Variants in AKAP19 observed in about 807,000 individuals in gnomAD.
AKAP19 encodes the protein A-kinase anchoring protein 19.
the AKAP19 span, among the ~76,000 whole-genome samples, chr2:190,103,671 A>T: frequency 6.6e-6 from 1 of 152,220 alleles, no homozygotes; most frequent in South Asian, 2.1e-4. Context: ...CAAAACACTG[A>T]TGAAAGAAAT....
chr2:190,054,648 C>A, the AKAP19 span, among the ~76,000 whole-genome samples: 3 of 151,954 alleles, frequency 2.0e-5, no homozygotes, highest in African/African-American at 7.2e-5. Context: ...AGAATAAAAC[C>A]CATCAAAAAG....
At chr2:190,001,686 A>G in the AKAP19 span, among the ~76,000 whole-genome samples, 1 of 152,212 alleles carries the variant, frequency 6.6e-6, no homozygotes. Context: ...GGCTTCTGTC[A>G]TCTGCCAGTT....
the AKAP19 span, among the ~76,000 whole-genome samples, chr2:190,068,006 A>G: frequency 6.6e-6 from 1 of 152,146 alleles, no homozygotes; most frequent in Non-Finnish European, 1.5e-5. Context: ...GTTCGAGACC[A>G]GCTTGGCCAA....
At chr2:190,193,292 T>C in the AKAP19 span, among the ~76,000 whole-genome samples, 1 of 152,180 alleles carries the variant, frequency 6.6e-6, no homozygotes, top group South Asian at 2.1e-4. Flanking sequence ...CTGGTATAAA[T>C]CCACTCAGTC....
At chr2:190,103,396 A>G in the AKAP19 span, among the ~76,000 whole-genome samples, 1 of 152,222 alleles carries the variant, frequency 6.6e-6, no homozygotes, top group African/African-American at 2.4e-5. Flanking sequence ...AAGAAGTGAA[A>G]CTATCTCTTG....
the AKAP19 span, among the ~76,000 whole-genome samples, chr2:190,035,730 A>G: frequency 6.6e-6 from 1 of 152,136 alleles, no homozygotes; most frequent in Non-Finnish European, 1.5e-5. Context: ...ATACTCATTC[A>G]TGATATTGCA....
the AKAP19 span, among the ~76,000 whole-genome samples, chr2:190,040,785 T>C: frequency 1.3e-5 from 2 of 152,210 alleles, no homozygotes; most frequent in African/African-American, 4.8e-5. Flanking sequence ...GAGAGTCTTT[T>C]CCCCATTGCT....
the AKAP19 span, among the ~76,000 whole-genome samples, chr2:190,075,478 A>G: frequency 6.6e-6 from 1 of 152,014 alleles, no homozygotes; most frequent in Non-Finnish European, 1.5e-5. Context: ...TTCTCTTTTC[A>G]TTTGTCAGTT....
chr2:190,131,647 C>A, the AKAP19 span, among the ~76,000 whole-genome samples: 1 of 152,208 alleles, frequency 6.6e-6, no homozygotes, highest in African/African-American at 2.4e-5. Context: ...TTATAGCCAG[C>A]TGATCAGGCC....
the AKAP19 span, among the ~76,000 whole-genome samples, chr2:190,162,018 A>T: frequency 6.6e-6 from 1 of 152,174 alleles, no homozygotes; most frequent in Non-Finnish European, 1.5e-5. Flanking sequence ...CCTCAAAGTA[A>T]TTGTGACCTA....
the AKAP19 span, among the ~76,000 whole-genome samples, chr2:190,028,662 A>G: frequency 6.6e-6 from 1 of 152,224 alleles, no homozygotes; most frequent in African/African-American, 2.4e-5. Flanking sequence ...TAATTAAGAA[A>G]CATTCCAGCA....
the AKAP19 span, among the ~76,000 whole-genome samples, chr2:190,009,794 C>G: frequency 6.6e-6 from 1 of 151,772 alleles, no homozygotes; most frequent in Non-Finnish European, 1.5e-5. Context: ...GGATCAAAGA[C>G]CAACTCTTAG....
chr2:190,200,053 C>A, the AKAP19 span: 1 of 1,614,098 alleles, frequency 6.2e-7, no homozygotes, highest in South Asian at 1.1e-5. Context: ...TGCACACCGC[C>A]TGTCTCAGGA....
At chr2:190,032,199 G>T in the AKAP19 span, among the ~76,000 whole-genome samples, 1 of 152,052 alleles carries the variant, frequency 6.6e-6, no homozygotes, top group African/African-American at 2.4e-5. Flanking sequence ...TATAAGAATT[G>T]TAAATTTACA....
chr2:190,080,117 G>A, the AKAP19 span: 2 of 152,064 alleles, frequency 1.3e-5, no homozygotes, highest in Admixed American at 6.6e-5. Context: ...TTCTTCCTCG[G>A]TTATATAGAA....
the AKAP19 span, among the ~76,000 whole-genome samples, chr2:190,023,207 GT>G: frequency 5.9e-5 from 9 of 151,950 alleles, no homozygotes; most frequent in Non-Finnish European, 1.0e-4. Flanking sequence ...AAAATTATGT[GT>G]TTTTATAAAC....
At chr2:190,147,932 A>G in the AKAP19 span, among the ~76,000 whole-genome samples, 1 of 152,076 alleles carries the variant, frequency 6.6e-6, no homozygotes, top group Non-Finnish European at 1.5e-5. Flanking sequence ...TTTCAAGGTA[A>G]ACGATCATAT....
chr2:190,097,695 A>G, the AKAP19 span, among the ~76,000 whole-genome samples: 1 of 152,104 alleles, frequency 6.6e-6, no homozygotes, highest in African/African-American at 2.4e-5. Flanking sequence ...AGTAGGTTCT[A>G]TCTCAAGAAA....
the AKAP19 span, among the ~76,000 whole-genome samples, chr2:190,169,133 G>T: frequency 1.3e-5 from 2 of 152,180 alleles, no homozygotes; most frequent in African/African-American, 4.8e-5. Context: ...GATGGCAGAA[G>T]GTGAAAGGCA....
Sources: gnomAD v4.1 joint callset for allele counts (sites outside exome capture counted in the v4.1 genomes callset) on GRCh38, gnomAD v4.1.1 for gene constraint, MANE v1.5 for transcripts, NCBI Gene and HGNC (gene_info 2026-07-23, HGNC 2026-07-21) for gene names.